Variants in KBTBD2 observed in about 807,000 individuals in gnomAD.
The protein encoded by KBTBD2 is kelch repeat and BTB domain containing 2.
Under a neutral mutation model 57.1 loss-of-function variants are expected in KBTBD2, and 17 were observed. That is an observed-to-expected ratio of 0.30 (90% CI 0.20 to 0.45). The LOEUF (loss-of-function observed/expected upper bound fraction) is 0.45. Ranked by LOEUF, KBTBD2 falls within the 20% of genes least tolerant of loss-of-function variation. The pLI is 1.00. For missense variants in KBTBD2, 515 were observed against 750.6 expected (o/e 0.69, Z 3.67); for synonymous variants, 267 against 262.7 (o/e 1.02, Z -0.16).
chr7:32,889,759 C>T (rs905783019), intron 1 of KBTBD2, among the ~76,000 whole-genome samples: 3 of 152,102 alleles, frequency 2.0e-5, no homozygotes, highest in Non-Finnish European at 4.4e-5. Context: ...TTTTTCCTGG[C>T]CTTACTTGTC....
intron 3 of KBTBD2, among the ~76,000 whole-genome samples, chr7:32,871,862 G>C (rs1784187469): frequency 6.6e-6 from 1 of 152,096 alleles, no homozygotes; most frequent in African/African-American, 2.4e-5. Flanking sequence ...CTAAGAGGCA[G>C]AGTCCTGTTT....
rs528647205 is a variant in KBTBD2, at chr7:32,890,261, C to T, written c.-339+1275G>A. On this transcript the variant is annotated intron_variant, in intron 1 of 3. Coordinates refer to ENST00000304056, the MANE Select transcript of KBTBD2 (RefSeq NM_015483.3). ...AGGGCTTCAATAAGCACTAAGCCAA[C>T]AGAAGATCAAAGTGAAGAAGTAAGC... Among the ~76,000 whole-genome samples the T allele has an allele frequency of 3.9e-5, 6 of 152,238 alleles. No homozygotes were observed. In the East Asian group the frequency reaches 5.8e-4, roughly 15 times the overall value.
chr7:32,876,689 C>T (rs1784320575), intron 2 of KBTBD2, among the ~76,000 whole-genome samples: 1 of 152,158 alleles, frequency 6.6e-6, no homozygotes, highest in Non-Finnish European at 1.5e-5. Flanking sequence ...CGCTTGGTGG[C>T]TCACACTTGT....
At chr7:32,872,461 C>T (rs1784205074) in intron 3 of KBTBD2, among the ~76,000 whole-genome samples, 1 of 151,966 alleles carries the variant, frequency 6.6e-6, no homozygotes, top group Admixed American at 6.6e-5. Flanking sequence ...GAGAGGAGTG[C>T]CTGAGCTCAA....
At chr7:32,890,246 T>C (rs189987794) in intron 1 of KBTBD2, among the ~76,000 whole-genome samples, 14 of 152,264 alleles carry the variant, frequency 9.2e-5, no homozygotes, top group African/African-American at 3.1e-4. Context: ...AGGGCTTCAA[T>C]AAGCACTAAG....
At position 32,869,439 on chromosome 7, in the gene KBTBD2, T is replaced by A. The variant is rs1399938781; in HGVS notation, c.1778A>T (p.Glu593Val). The A allele has an allele frequency of 1.2e-6, 2 of 1,614,116 alleles. No homozygotes were observed. Among genetic ancestry groups the A allele is most frequent in the Admixed American group, 1.7e-5 (1 of 60,010 alleles). ...VGKLYPSCLEESPWKPPTYLF... is the reference protein window; with the variant it reads ...VGKLYPSCLEVSPWKPPTYLF... ...ATAAGTTGGTGGTTTCCATGGAGAC[T>A]CTTCAAGGCAGGATGGATAGAGTTT... is the stretch of plus-strand genomic sequence containing the variant. Residue 593 changes from glutamate (E) to valine (V), a missense_variant, in exon 4 of 4, where the codon GAG becomes GTG. Coordinates refer to ENST00000304056, the MANE Select transcript of KBTBD2 (RefSeq NM_015483.3).
chr7:32,874,767 G>A (rs1189786761), intron 3 of KBTBD2: 2 of 368,420 alleles, frequency 5.4e-6, no homozygotes, highest in Non-Finnish European at 5.0e-6. Context: ...GCCAAGGCAG[G>A]TGGATCACGA....
In KBTBD2 at chr7:32,869,949, G is replaced by A. The variant is rs1161414353; in HGVS notation, c.1268C>T (p.Ala423Val). The A allele has an allele frequency of 1.2e-6, 2 of 1,613,990 alleles. No homozygotes were observed. The highest frequency in any genetic ancestry group is 3.3e-5 in the Admixed American group (2 of 60,012). Residue 423 changes from alanine (A) to valine (V), a missense_variant, in exon 4 of 4, where the codon GCA becomes GTA. Transcript: ENST00000304056. ...SPLPCAWQWSAAVVVHDCIYV... is the reference protein window; with the variant it reads ...SPLPCAWQWSVAVVVHDCIYV... ...AATGCAGTCATGAACCACAACTGCT[G>A]CACTCCATTGCCAAGCACAAGGTAA...
intron 1 of KBTBD2, among the ~76,000 whole-genome samples, chr7:32,881,005 G>A (rs1784432219): frequency 6.6e-6 from 1 of 151,932 alleles, no homozygotes; most frequent in South Asian, 2.1e-4. Context: ...GGAGGCTGAG[G>A]CAGGGGAATT....
chr7:32,888,352 C>G lies in KBTBD2; in HGVS notation c.-339+3184G>C, dbSNP rs558326993. 2.6e-5 allele frequency among the ~76,000 whole-genome samples: 4 copies of G among 152,074 alleles called. No homozygotes were observed. In the East Asian group the frequency reaches 7.7e-4, roughly 29 times the overall value. On this transcript the variant is annotated intron_variant, in intron 1 of 3. Coordinates refer to ENST00000304056, the MANE Select transcript of KBTBD2 (RefSeq NM_015483.3). ...GTCCAGAAAGGCACCAGTCATAAAA[C>G]AAGCCTTTCTTTATTTCAATGAGAT...
chr7:32,873,596 T>A (rs899905876), intron 3 of KBTBD2, among the ~76,000 whole-genome samples: 1 of 152,090 alleles, frequency 6.6e-6, no homozygotes, highest in Non-Finnish European at 1.5e-5. Context: ...TAGCTGGGCA[T>A]GGTGGTACAT....
intron 2 of KBTBD2, among the ~76,000 whole-genome samples, chr7:32,877,101 A>C (rs972412973): frequency 2.0e-5 from 3 of 151,872 alleles, no homozygotes; most frequent in Non-Finnish European, 4.4e-5. Flanking sequence ...TCACTGCAAC[A>C]CCCAACTCCC....
At position 32,870,452 on chromosome 7, in the gene KBTBD2, C is replaced by G. The variant is rs1454187468; in HGVS notation, c.765G>C (p.Lys255Asn). ...VVQGLYKSMP[K>N]FFKPRLGMTK... ...TCATCCCAAGTCTTGGTTTGAAAAA[C>G]TTGGGCATGGACTTATACAGACCTT... Residue 255 changes from lysine to asparagine, a missense_variant, in exon 4 of 4, where the codon AAG becomes AAC. Transcript: ENST00000304056. 1 of 1,613,830 alleles carries G rather than the reference C, an allele frequency of 6.2e-7. No homozygotes were observed. The highest frequency in any genetic ancestry group is 1.1e-5 in the South Asian group (1 of 91,032).
At chr7:32,886,006 TC>T (rs2071414187) in intron 1 of KBTBD2, among the ~76,000 whole-genome samples, 1 of 151,418 alleles carries the variant, frequency 6.6e-6, no homozygotes, top group African/African-American at 2.4e-5. Context: ...CCACCCGGGT[TC>T]AAGCAATTCT....
chr7:32,876,874 T>C (rs909186508), intron 2 of KBTBD2, among the ~76,000 whole-genome samples: 11 of 151,990 alleles, frequency 7.2e-5, no homozygotes, highest in Non-Finnish European at 1.6e-4. Flanking sequence ...GGAAAATCAC[T>C]TGAACCCGGG....
intron 1 of KBTBD2, among the ~76,000 whole-genome samples, chr7:32,880,671 A>G (rs1367552077): frequency 1.3e-5 from 2 of 152,118 alleles, no homozygotes; most frequent in African/African-American, 4.8e-5. Context: ...TCTAAATCCT[A>G]TTTTCAAGGG....
rs556418219 is a variant in KBTBD2, at chr7:32,869,132, T to C, written c.*213A>G. 8 of 472,414 alleles carry C rather than the reference T, an allele frequency of 1.7e-5. No individual in the cohort carries two copies. Among genetic ancestry groups the C allele is most frequent in the African/African-American group, 7.8e-5 (4 of 51,586 alleles). 29.3% of individuals were successfully genotyped at this position (472,414 alleles called of 1,614,324 possible). A position where few individuals can be genotyped will look rare whatever the true frequency, so the allele number is the denominator to read the frequency against. ...GATTACACATAAAGTTTCTCAATTA[T>C]TGAATAATCTATTTCATATTATGGA... On this transcript the variant is annotated 3_prime_UTR_variant, in exon 4 of 4. Transcript: ENST00000304056.
chr7:32,879,264 T>C (rs1207532865), intron 2 of KBTBD2, among the ~76,000 whole-genome samples, 171 bp downstream of exon 2: 1 of 152,214 alleles, frequency 6.6e-6, no homozygotes, highest in African/African-American at 2.4e-5. Context: ...TCAACCTTTA[T>C]AAAACTTCTT....
At chr7:32,883,298 A>C (rs1425937634) in intron 1 of KBTBD2, among the ~76,000 whole-genome samples, 2 of 152,066 alleles carry the variant, frequency 1.3e-5, no homozygotes, top group Non-Finnish European at 2.9e-5. Flanking sequence ...TCAAGCTGAA[A>C]CTCACTTGAA....
Sources: gnomAD v4.1 joint callset for allele counts (sites outside exome capture counted in the v4.1 genomes callset) on GRCh38, gnomAD v4.1.1 for gene constraint, MANE v1.5 for transcripts, NCBI Gene and HGNC (gene_info 2026-07-23, HGNC 2026-07-21) for gene names.